The following RBFOX2 variants were observed in gnomAD, a reference collection of about 807,000 sequenced individuals.
RBFOX2 encodes RNA binding fox-1 homolog 2.
A neutral mutation model predicts 49.1 loss-of-function variants in RBFOX2; 10 were observed. The ratio of observed to expected loss-of-function variants is 0.20; its 90% confidence interval spans 0.13 to 0.35. The LOEUF (loss-of-function observed/expected upper bound fraction) is 0.35. Among genes scored for constraint, RBFOX2 ranks in the 10% least tolerant of loss-of-function variants. RBFOX2 has a pLI of 1.00. For synonymous variants in RBFOX2, 183 were observed against 187.4 expected, an observed-to-expected ratio of 0.98 and a Z score of 0.19; for missense variants, 323 against 486.9, an observed-to-expected ratio of 0.66 and a Z score of 3.17.
chr22:35,956,816 T>C (rs2055612836), intron 1 of RBFOX2, among the ~76,000 whole-genome samples: 1 of 152,236 alleles, frequency 6.6e-6, no homozygotes, highest in Non-Finnish European at 1.5e-5. Flanking sequence ...GCAGAAGTGC[T>C]TTATTTGTAT....
chr22:35,744,502 C>A (rs1344488039), intron 11 of RBFOX2, among the ~76,000 whole-genome samples: 1 of 152,150 alleles, frequency 6.6e-6, no homozygotes, highest in Non-Finnish European at 1.5e-5. Context: ...TCATTATTTA[C>A]ATGAATTAGC....
At chr22:35,767,737 C>T (rs1941446592) in intron 5 of RBFOX2, among the ~76,000 whole-genome samples, 2 of 152,036 alleles carry the variant, frequency 1.3e-5, no homozygotes, top group South Asian at 4.2e-4. Flanking sequence ...GGATTATTTC[C>T]TCCCTCCCCA....
intron 1 of RBFOX2, among the ~76,000 whole-genome samples, chr22:35,909,102 G>A (rs868308666): frequency 7.9e-5 from 12 of 152,050 alleles, no homozygotes; most frequent in African/African-American, 2.9e-4. Context: ...TCGGCCTCCC[G>A]AAGTGCTGGA....
At chr22:36,028,619 C>G (rs1163920924) in exon 1 of RBFOX2, among the ~76,000 whole-genome samples, 2 of 149,304 alleles carry the variant, frequency 1.3e-5, no homozygotes, top group Admixed American at 6.7e-5. Flanking sequence ...ACCGCTTGCT[C>G]CCCGCCCGCC....
Position 35,749,505 on chromosome 22 carries a change from T to C in RBFOX2, c.888-2944A>G, listed in dbSNP as rs1934082992. Among the ~76,000 whole-genome samples, 1 of 152,042 alleles carries C rather than the reference T, an allele frequency of 6.6e-6. No homozygotes were observed. Among genetic ancestry groups the C allele is most frequent in the Non-Finnish European group, 1.5e-5 (1 of 67,954 alleles). On this transcript the variant is annotated intron_variant, in intron 9 of 11. Coordinates refer to ENST00000405409, the Ensembl canonical transcript of RBFOX2. This position sits in a 1 kb window ranked among gnomAD's most constrained non-coding sequence, Gnocchi z 4.1. ...TCATGGATGTATTCCTCTCTCTCTC[T>C]CTTACACACACACACGCACACACAC...
At chr22:35,923,872 A>G (rs1158566507) in intron 1 of RBFOX2, among the ~76,000 whole-genome samples, 1 of 152,154 alleles carries the variant, frequency 6.6e-6, no homozygotes, top group Non-Finnish European at 1.5e-5. Flanking sequence ...TAAATAGGGA[A>G]GCAAGTGGGA....
chr22:35,939,241 G>A (rs1044218398), upstream of RBFOX2: 12 of 499,350 alleles, frequency 2.4e-5, no homozygotes, highest in African/African-American at 2.3e-4. Context: ...AGCATCCCCA[G>A]CCCCAACTCA....
exon 12 of RBFOX2, chr22:35,742,982 T>C (rs562605949): frequency 6.5e-6 from 1 of 152,842 alleles, no homozygotes; most frequent in Non-Finnish European, 1.5e-5. Context: ...TCATAAAGGC[T>C]CTGGAAGATG....
intron 4 of RBFOX2, among the ~76,000 whole-genome samples, chr22:35,770,274 T>C (rs531662390): frequency 5.3e-5 from 8 of 152,272 alleles, no homozygotes; most frequent in Non-Finnish European, 8.8e-5. Context: ...TAAGGGCATT[T>C]TGGCTGTATT....
intron 4 of RBFOX2, among the ~76,000 whole-genome samples, chr22:35,775,570 T>C (rs1031745542): frequency 6.6e-6 from 1 of 152,092 alleles, no homozygotes; most frequent in Non-Finnish European, 1.5e-5. Context: ...CAGGATGCAG[T>C]GGCTCACACC....
At chr22:35,777,133 T>C (rs1944122326) in intron 4 of RBFOX2, among the ~76,000 whole-genome samples, 1 of 151,818 alleles carries the variant, frequency 6.6e-6, no homozygotes, top group African/African-American at 2.4e-5. Context: ...TGCCTCAGCC[T>C]CCCGAGTAGC....
chr22:35,881,147 C>T (rs2045834800), intron 1 of RBFOX2, among the ~76,000 whole-genome samples: 2 of 152,124 alleles, frequency 1.3e-5, no homozygotes, highest in African/African-American at 2.4e-5. Context: ...CGCCTGTAGT[C>T]CAGCCACTCT....
intron 1 of RBFOX2, among the ~76,000 whole-genome samples, chr22:35,871,319 A>G (rs2044330237): frequency 6.6e-6 from 1 of 152,232 alleles, no homozygotes; most frequent in Non-Finnish European, 1.5e-5. Flanking sequence ...AAGGGAATAG[A>G]GGAAACTAGG....
At chr22:35,739,776 AGT>A (rs1928909571) in exon 12 of RBFOX2, 1 of 152,548 alleles carries the variant, frequency 6.6e-6, no homozygotes, top group South Asian at 2.1e-4. Flanking sequence ...TTTGCTCGCC[AGT>A]GTGAGTGGAG....
intron 1 of RBFOX2, among the ~76,000 whole-genome samples, chr22:36,023,275 G>C (rs2059312279): frequency 6.6e-6 from 1 of 152,230 alleles, no homozygotes; most frequent in East Asian, 1.9e-4. Context: ...CCTGAAACCT[G>C]AAAGAAAGTC....
chr22:35,783,224 G>T (rs1484768768), intron 2 of RBFOX2, among the ~76,000 whole-genome samples: 2 of 152,078 alleles, frequency 1.3e-5, no homozygotes, highest in Non-Finnish European at 2.9e-5. Flanking sequence ...TGTTACACAG[G>T]AGGAGACAGA....
upstream of RBFOX2, among the ~76,000 whole-genome samples, chr22:35,943,829 C>T (rs1329680242): frequency 3.9e-5 from 6 of 152,132 alleles, no homozygotes; most frequent in Admixed American, 6.5e-5. Flanking sequence ...GGCATGAACC[C>T]GGGAGGCAGA....
chr22:35,983,259 A>G (rs138432694), intron 1 of RBFOX2, among the ~76,000 whole-genome samples: 2 of 152,284 alleles, frequency 1.3e-5, no homozygotes, highest in Non-Finnish European at 2.9e-5. Flanking sequence ...GGCTTTTACC[A>G]GCTCTACTTT....
chr22:35,776,229 C>T (rs1333033290), intron 4 of RBFOX2, among the ~76,000 whole-genome samples: 1 of 152,128 alleles, frequency 6.6e-6, no homozygotes, highest in Non-Finnish European at 1.5e-5. Flanking sequence ...ACAAACAATG[C>T]AACAAAGGAA....
Sources: gnomAD v4.1 joint callset for allele counts (sites outside exome capture counted in the v4.1 genomes callset) on GRCh38, gnomAD v4.1.1 for gene constraint, Gnocchi (gnomAD v3.1) non-coding constraint, MANE v1.5 for transcripts, NCBI Gene and HGNC (gene_info 2026-07-23, HGNC 2026-07-21) for gene names.